Variants in ATP6V0A4 observed in about 807,000 individuals in gnomAD.
ATP6V0A4 encodes V-type proton ATPase 116 kDa subunit a 4.
ATP6V0A4 carries 86 observed loss-of-function variants against 107.3 expected under a neutral mutation model. The ratio of observed to expected loss-of-function variants is 0.80; its 90% CI spans 0.67 to 0.96. The LOEUF is 0.96. Ranked by LOEUF, ATP6V0A4 falls within the 40% of genes least tolerant of loss-of-function variation. ATP6V0A4 has a pLI of 0.00. For synonymous variants in ATP6V0A4, 353 were observed against 381.4 expected (o/e 0.93, Z 0.87); for missense variants, 908 against 1,045.6 (o/e 0.87, Z 1.81).
chr7:138,769,313 T>A, intron 3 of ATP6V0A4, 62 bp from the exon 4 acceptor site: 6 of 284,662 alleles, frequency 2.1e-5, no homozygotes, highest in East Asian at 1.3e-4. Flanking sequence ...GATTTCTTTC[T>A]TTTTTTTTTT....
At chr7:138,754,640 T>G (rs553256071) in intron 10 of ATP6V0A4, among the ~76,000 whole-genome samples, 1 of 151,860 alleles carries the variant, frequency 6.6e-6, no homozygotes, top group Admixed American at 6.6e-5. Context: ...TATTTTATTT[T>G]GAGATGGAGT....
intron 2 of ATP6V0A4, among the ~76,000 whole-genome samples, chr7:138,776,199 T>G (rs933130497): frequency 6.6e-6 from 1 of 152,096 alleles, no homozygotes; most frequent in African/African-American, 2.4e-5. Flanking sequence ...GGGTGAGAAA[T>G]CAAACTTTAG....
At chr7:138,784,289 TACACACAC>T (rs537165545) in intron 2 of ATP6V0A4, among the ~76,000 whole-genome samples, 1 of 43,802 alleles carries the variant, frequency 2.3e-5, no homozygotes, top group African/African-American at 6.6e-5. Context: ...TACATATATA[TACACACAC>T]ACACACACAC....
intron 2 of ATP6V0A4, among the ~76,000 whole-genome samples, chr7:138,777,420 G>C (rs1255469317): frequency 7.2e-5 from 11 of 151,986 alleles, no homozygotes; most frequent in Non-Finnish European, 1.5e-4. Flanking sequence ...TTCAAGACCA[G>C]CCTGGCCAAC....
rs903987621 is a variant in ATP6V0A4 at position 138,721,356 on chromosome 7, T to A, written c.2139+541A>T. 1.1e-4 allele frequency among the ~76,000 whole-genome samples: 16 copies of A among 152,104 alleles called. 1 individual carries two copies. The highest frequency in any genetic ancestry group is 2.6e-4 in the Admixed American group (4 of 15,260). On this transcript the variant is annotated intron_variant, in intron 19 of 21. Coordinates refer to ENST00000310018, the MANE Select transcript of ATP6V0A4 (RefSeq NM_020632.3). ...GAGTTCAAGATCAGCCTGGCCAACA[T>A]GGTGAAGCCCCATCTCTACTAAAAA...
At chr7:138,752,962 G>T (rs951335828) in intron 10 of ATP6V0A4, 125 bp from the exon 11 acceptor site, 15 of 1,524,858 alleles carry the variant, frequency 9.8e-6, no homozygotes, top group African/African-American at 5.5e-5. Context: ...TTGACCTGTG[G>T]CTGTCACCTG....
rs752656163 is a variant in ATP6V0A4 at position 138,798,183 on chromosome 7, G to A, written c.-270C>T. On this transcript the variant is annotated 5_prime_UTR_variant, in exon 1 of 22. Transcript: ENST00000310018. ...TGCCTCCCTCCACTCGGCTTGCTCG[G>A]CAGGTAGCGTTATGAGCTTTATTCA... 2 of 1,590,524 alleles carry A rather than the reference G, an allele frequency of 1.3e-6. No individual in the cohort carries two copies. The highest frequency in any genetic ancestry group is 1.1e-5 in the South Asian group (1 of 87,216).
intron 21 of ATP6V0A4, among the ~76,000 whole-genome samples, chr7:138,707,068 A>ATGTGTGTGTG (rs10669320): frequency 0.014 from 1,302 of 90,078 alleles, 69 homozygotes; most frequent in African/African-American, 0.063. Flanking sequence ...GCTAATTTAT[A>ATGTGTGTGTG]TGTGTGTGTG....
chr7:138,759,627 G>T, intron 8 of ATP6V0A4, 125 bp downstream of exon 8: 2 of 1,066,198 alleles, frequency 1.9e-6, no homozygotes, highest in East Asian at 5.0e-5. Context: ...AAAAAAAGGA[G>T]AAAAAAAGGA....
At chr7:138,756,892 G>A (rs1806540782) in intron 8 of ATP6V0A4, among the ~76,000 whole-genome samples, 1 of 152,224 alleles carries the variant, frequency 6.6e-6, no homozygotes, top group African/African-American at 2.4e-5. Flanking sequence ...AAGACAGCTG[G>A]CTGATAAACT....
At chr7:138,707,329 T>C (rs1292939106) in intron 21 of ATP6V0A4, among the ~76,000 whole-genome samples, 96 of 67,202 alleles carry the variant, frequency 1.4e-3, no homozygotes, top group African/African-American at 6.1e-3. Context: ...TTTATATTTA[T>C]ATTTATAATA....
At chr7:138,772,476 C>A (rs766587271) in intron 2 of ATP6V0A4, among the ~76,000 whole-genome samples, 1 of 152,062 alleles carries the variant, frequency 6.6e-6, no homozygotes. Flanking sequence ...GGGAATGGTG[C>A]GAGTTAGGTT....
rs1445192708 is a variant in ATP6V0A4, at chr7:138,734,234, G to C, written c.1593C>G (p.Asn531Lys). Reference sequence around the variant, plus strand: ...TATACGAGTTCAGAAATGTGAGTTTGTTTGAAGCCAAGTTCCAAATCTGGA... The same window carrying C: ...TATACGAGTTCAGAAATGTGAGTTTCTTTGAAGCCAAGTTCCAAATCTGGA... The part of the protein sequence containing the change: ...GIDPIWNLAS[N>K]KLTFLNSYKM... The change falls in exon 16 of 22, where the codon AAC (asparagine) becomes AAG (lysine). Residue 531 changes from asparagine to lysine, a missense_variant. Physicochemically the swap from Asn to Lys is moderately conservative, Grantham distance 94 (BLOSUM62 0). Transcript: ENST00000310018. The C allele has an allele frequency of 1.9e-6, 3 of 1,613,330 alleles. No homozygotes were observed. The highest frequency in any genetic ancestry group is 2.5e-6 in the Non-Finnish European group (3 of 1,179,538).
At chr7:138,766,247 C>T (rs1238446413) in intron 5 of ATP6V0A4, among the ~76,000 whole-genome samples, 4 of 150,264 alleles carry the variant, frequency 2.7e-5, no homozygotes, top group Admixed American at 1.3e-4. Flanking sequence ...CTGTCACCCA[C>T]GCTGGAGTGC....
rs369875599 is a variant in ATP6V0A4 at position 138,721,892 on chromosome 7, G to C, written c.2139+5C>G. On this transcript the variant is annotated splice_donor_5th_base_variant and intron_variant, in intron 19 of 21. Coordinates refer to ENST00000310018, the MANE Select transcript of ATP6V0A4 (RefSeq NM_020632.3). ...GTCTTCCTCAGGGGCTCTCGTCCCAGATACCTCTTCTCCATGGTCGTCCAG... is the reference window on the plus strand; with the variant it reads ...GTCTTCCTCAGGGGCTCTCGTCCCACATACCTCTTCTCCATGGTCGTCCAG... 89 of 1,613,880 alleles carry C rather than the reference G, an allele frequency of 5.5e-5. No homozygotes were observed. In the Middle Eastern group the frequency reaches 9.9e-4, roughly 18 times the overall value.
At chr7:138,722,065 C>T in intron 18 of ATP6V0A4, 40 bp from the exon 19 acceptor site, 2 of 1,613,448 alleles carry the variant, frequency 1.2e-6, no homozygotes, top group South Asian at 2.2e-5. Flanking sequence ...GCTCAACTCA[C>T]CCTGAGAATT....
chr7:138,722,069 G>A, intron 18 of ATP6V0A4, 44 bp from the exon 19 acceptor site: 2 of 1,612,816 alleles, frequency 1.2e-6, no homozygotes, highest in South Asian at 2.2e-5. Context: ...AACTCACCCT[G>A]AGAATTCTAA....
At chr7:138,775,799 C>A (rs113433271) in intron 2 of ATP6V0A4, among the ~76,000 whole-genome samples, 1 of 151,856 alleles carries the variant, frequency 6.6e-6, no homozygotes, top group Non-Finnish European at 1.5e-5. Flanking sequence ...TATAGGCGCC[C>A]GCCACCACGC....
chr7:138,710,493 C>A lies in ATP6V0A4; in HGVS notation c.2258-698G>T, dbSNP rs376521856. ...CGTAAGCCACCGCGCCCAGCCACAG[C>A]CTCTTCTTTGACCAGGAAGTGGTTA... On this transcript the variant is annotated intron_variant, in intron 20 of 21. Transcript: ENST00000310018. Among the ~76,000 whole-genome samples, 4 of 152,224 alleles carry A rather than the reference C, an allele frequency of 2.6e-5. No individual in the cohort carries two copies. In the East Asian group the frequency reaches 7.7e-4, roughly 29 times the overall value.
Sources: gnomAD v4.1 joint callset for allele counts (sites outside exome capture counted in the v4.1 genomes callset) on GRCh38, gnomAD v4.1.1 for gene constraint, MANE v1.5 for transcripts, NCBI Gene and HGNC (gene_info 2026-07-23, HGNC 2026-07-21) for gene names.